PDZRN4: variants seen among roughly 807,000 people sequenced by gnomAD.
The protein encoded by PDZRN4 is PDZ domain-containing RING finger protein 4.
PDZRN4 carries 70 observed loss-of-function variants against 99.0 expected under a neutral mutation model. The ratio of observed to expected loss-of-function variants is 0.71; its 90% CI spans 0.58 to 0.86. The LOEUF (loss-of-function observed/expected upper bound fraction) is 0.86, where lower values mean the gene tolerates loss of function less well. PDZRN4 is among the 40% of genes least tolerant of loss of function. The pLI is 0.00. For missense variants in PDZRN4, 1,474 were observed against 1,331.2 expected (o/e 1.11, Z -1.67); for synonymous variants, 551 against 501.6 (o/e 1.10, Z -1.32).
chr12:41,342,372 C>A (rs1484897179), intron 3 of PDZRN4, among the ~76,000 whole-genome samples: 1 of 151,762 alleles, frequency 6.6e-6, no homozygotes, highest in Non-Finnish European at 1.5e-5. Flanking sequence ...AACTAAAATG[C>A]TTTGCACAGC....
intron 3 of PDZRN4, among the ~76,000 whole-genome samples, chr12:41,391,517 C>T (rs939918334): frequency 2.0e-5 from 3 of 152,148 alleles, no homozygotes; most frequent in African/African-American, 7.2e-5. Context: ...GACATGATAA[C>T]TGAGAAGAGC....
Position 41,325,047 on chromosome 12 carries a change from G to A in PDZRN4, c.843+130859G>A, listed in dbSNP as rs144046276. Among the ~76,000 whole-genome samples, 20 of 152,112 alleles carry A rather than the reference G, an allele frequency of 1.3e-4. No individual in the cohort carries two copies. In the East Asian group the frequency reaches 2.9e-3, roughly 22 times the overall value. Reference sequence around the variant, plus strand: ...CTATTTTATCAATTAATATAGTAGAGCAAATATCTCTCTTAAACTGTGGAC... The same window carrying A: ...CTATTTTATCAATTAATATAGTAGAACAAATATCTCTCTTAAACTGTGGAC... On this transcript the variant is annotated intron_variant, in intron 3 of 9. Coordinates refer to ENST00000402685, the MANE Select transcript of PDZRN4 (RefSeq NM_001164595.2).
intron 3 of PDZRN4, among the ~76,000 whole-genome samples, chr12:41,341,165 TAA>T (rs36109178): frequency 0.027 from 3,973 of 148,950 alleles, 69 homozygotes; most frequent in Non-Finnish European, 0.042. Flanking sequence ...CCTTTCATGA[TAA>T]AAAAAAAAAA....
intron 3 of PDZRN4, among the ~76,000 whole-genome samples, chr12:41,491,420 G>A (rs1378401937): frequency 9.2e-5 from 14 of 152,146 alleles, no homozygotes; most frequent in Admixed American, 8.5e-4. Flanking sequence ...TAGTTAAGAG[G>A]CTGAGGCAGG....
chr12:41,540,785 C>A (rs775502311), intron 5 of PDZRN4, among the ~76,000 whole-genome samples: 8 of 152,196 alleles, frequency 5.3e-5, no homozygotes, highest in African/African-American at 1.4e-4. Context: ...AGTCTTTCAG[C>A]CTTAGCAAAC....
intron 3 of PDZRN4, among the ~76,000 whole-genome samples, chr12:41,357,741 C>A (rs924557538): frequency 1.3e-5 from 2 of 151,974 alleles, no homozygotes; most frequent in African/African-American, 4.8e-5. Context: ...TCTCTGATGA[C>A]CATGTTAGCC....
chr12:41,437,988 A>G lies in PDZRN4; in HGVS notation c.844-68468A>G, dbSNP rs368244719. ...ACTTTTCAGAAAAGAGAGGAACACT[A>G]CAAACTGCTGTATGAAGTTTCCCAG... is the stretch of plus-strand genomic sequence containing the variant. On this transcript the variant is annotated intron_variant, in intron 3 of 9. Coordinates refer to ENST00000402685, the MANE Select transcript of PDZRN4 (RefSeq NM_001164595.2). 7 of 1,614,038 alleles carry G rather than the reference A, an allele frequency of 4.3e-6. No individual in the cohort carries two copies. The African/African-American group carries it at 5.3e-5, about 12-fold the overall frequency.
intron 3 of PDZRN4, among the ~76,000 whole-genome samples, chr12:41,506,090 G>A (rs553084746): frequency 1.4e-4 from 21 of 151,902 alleles, no homozygotes; most frequent in Admixed American, 5.9e-4. Flanking sequence ...AAATCTCACC[G>A]AGAGATTGAT....
chr12:41,382,620 CTAATCAGCAA>C (rs1337189643), intron 3 of PDZRN4, among the ~76,000 whole-genome samples: 1 of 152,204 alleles, frequency 6.6e-6, no homozygotes, highest in Non-Finnish European at 1.5e-5. Flanking sequence ...TACATATGTA[CTAATCAGCAA>C]TCTCTCTGCC....
intron 3 of PDZRN4, among the ~76,000 whole-genome samples, chr12:41,206,014 A>G (rs1420316719): frequency 6.6e-6 from 1 of 152,000 alleles, no homozygotes; most frequent in Non-Finnish European, 1.5e-5. Context: ...ACATTGCTGC[A>G]TGTAAGTGTT....
chr12:41,243,926 TG>T (rs1231076150), intron 3 of PDZRN4, among the ~76,000 whole-genome samples: 2 of 152,226 alleles, frequency 1.3e-5, no homozygotes, highest in African/African-American at 4.8e-5. Context: ...TCTCTCAATG[TG>T]CCTCCAGACT....
intron 3 of PDZRN4, among the ~76,000 whole-genome samples, chr12:41,299,270 G>A (rs1308759387): frequency 2.0e-5 from 3 of 151,996 alleles, no homozygotes; most frequent in Non-Finnish European, 2.9e-5. Context: ...TAAAATGAGA[G>A]AGAGAGAGAG....
intron 3 of PDZRN4, among the ~76,000 whole-genome samples, chr12:41,312,479 C>T (rs1951613704): frequency 6.6e-6 from 1 of 152,064 alleles, no homozygotes; most frequent in Admixed American, 6.6e-5. Flanking sequence ...TTAGTCTGTT[C>T]TCATGCCGCT....
intron 3 of PDZRN4, among the ~76,000 whole-genome samples, chr12:41,272,540 A>G (rs1201384335): frequency 6.6e-6 from 1 of 152,014 alleles, no homozygotes; most frequent in Non-Finnish European, 1.5e-5. Flanking sequence ...CACGGATTTA[A>G]TTGCCTCAAT....
chr12:41,236,934 G>T (rs1298192559), intron 3 of PDZRN4, among the ~76,000 whole-genome samples: 2 of 152,052 alleles, frequency 1.3e-5, no homozygotes, highest in African/African-American at 2.4e-5. Context: ...GGGGGCTCCA[G>T]AGAAGATAGA....
intron 3 of PDZRN4, among the ~76,000 whole-genome samples, chr12:41,501,031 CA>C (rs1470537083): frequency 6.6e-6 from 1 of 152,130 alleles, no homozygotes; most frequent in African/African-American, 2.4e-5. Context: ...TAACCAGGTA[CA>C]GGATCATGTC....
At chr12:41,526,814 T>C (rs74800732) in intron 5 of PDZRN4, among the ~76,000 whole-genome samples, 2,810 of 152,252 alleles carry the variant, frequency 0.018, 85 homozygotes, top group African/African-American at 0.062. Context: ...GTGTTAAATT[T>C]TTTTGATATT....
intron 8 of PDZRN4, among the ~76,000 whole-genome samples, chr12:41,565,346 A>G (rs1565616963): frequency 6.6e-6 from 1 of 152,140 alleles, no homozygotes; most frequent in Non-Finnish European, 1.5e-5. Context: ...ATAGAAAAAA[A>G]AAACAGATTT....
At chr12:41,339,310 G>C (rs1055750998) in intron 3 of PDZRN4, among the ~76,000 whole-genome samples, 1 of 152,020 alleles carries the variant, frequency 6.6e-6, no homozygotes, top group Non-Finnish European at 1.5e-5. Context: ...AAGTTGCCAA[G>C]AACACATGTT....
Sources: gnomAD v4.1 joint callset for allele counts (sites outside exome capture counted in the v4.1 genomes callset) on GRCh38, gnomAD v4.1.1 for gene constraint, MANE v1.5 for transcripts, NCBI Gene and HGNC (gene_info 2026-07-23, HGNC 2026-07-21) for gene names.